The following ENOX1 variants were observed in gnomAD, a reference collection of about 807,000 sequenced individuals.
ENOX1 encodes ecto-NOX disulfide-thiol exchanger 1.
Under a neutral mutation model 82.5 loss-of-function variants are expected in ENOX1, and 42 were observed. That is an observed-to-expected ratio of 0.51 (90% CI 0.40 to 0.66). The LOEUF (loss-of-function observed/expected upper bound fraction) is 0.66, where lower values mean the gene tolerates loss of function less well. Ranked by LOEUF, ENOX1 falls within the 30% of genes least tolerant of loss-of-function variation. ENOX1 has a pLI of 0.00. For synonymous variants in ENOX1, 271 were observed against 282.2 expected (o/e 0.96, Z 0.40); for missense variants, 608 against 811.6 (o/e 0.75, Z 3.05).
chr13:43,346,679 A>G (rs975444699), intron 8 of ENOX1, among the ~76,000 whole-genome samples: 1 of 152,192 alleles, frequency 6.6e-6, no homozygotes, highest in Non-Finnish European at 1.5e-5. Context: ...CTATCACACA[A>G]CTTAACATTA....
At chr13:43,663,027 C>G (rs1308257111) in intron 2 of ENOX1, among the ~76,000 whole-genome samples, 4 of 151,972 alleles carry the variant, frequency 2.6e-5, no homozygotes, top group Non-Finnish European at 1.5e-5. Context: ...AGCAAAGTAA[C>G]CAATTCTGTG....
intron 2 of ENOX1, among the ~76,000 whole-genome samples, chr13:43,577,954 AG>A (rs2080518372): frequency 6.6e-6 from 1 of 150,850 alleles, no homozygotes. Context: ...GAGCCCAAGG[AG>A]CAAAAAGCTG....
At chr13:43,543,278 C>T (rs190848119) in intron 2 of ENOX1, among the ~76,000 whole-genome samples, 1 of 152,094 alleles carries the variant, frequency 6.6e-6, no homozygotes, top group East Asian at 1.9e-4. Context: ...CAGATAGAGC[C>T]CTGTTTTCCA....
chr13:43,513,913 A>G (rs759546170), intron 2 of ENOX1, among the ~76,000 whole-genome samples: 30 of 152,308 alleles, frequency 2.0e-4, no homozygotes, highest in Non-Finnish European at 3.8e-4. Context: ...AATTTATTGT[A>G]TAAATGTTTT....
At chr13:43,448,309 G>T (rs1030371574) in intron 3 of ENOX1, among the ~76,000 whole-genome samples, 1 of 152,200 alleles carries the variant, frequency 6.6e-6, no homozygotes, top group South Asian at 2.1e-4. Context: ...CATTACCATT[G>T]TACCTAAATA....
At chr13:43,694,839 T>A (rs1048099621) in intron 1 of ENOX1, among the ~76,000 whole-genome samples, 1 of 152,134 alleles carries the variant, frequency 6.6e-6, no homozygotes, top group Non-Finnish European at 1.5e-5. Flanking sequence ...TTTGAGACAA[T>A]CCTCATTATT....
intron 12 of ENOX1, among the ~76,000 whole-genome samples, chr13:43,283,661 G>C (rs558089972): frequency 6.6e-6 from 1 of 151,358 alleles, no homozygotes; most frequent in Non-Finnish European, 1.5e-5. Flanking sequence ...TGTTGACCAG[G>C]CTGGTCTCAA....
intron 6 of ENOX1, among the ~76,000 whole-genome samples, chr13:43,360,460 C>G (rs2050426331): frequency 6.6e-6 from 1 of 151,966 alleles, no homozygotes; most frequent in African/African-American, 2.4e-5. Context: ...AAAGGAGCGG[C>G]AAAACAGAAT....
intron 2 of ENOX1, among the ~76,000 whole-genome samples, chr13:43,638,149 G>T (rs2083482310): frequency 6.6e-6 from 1 of 152,118 alleles, no homozygotes; most frequent in East Asian, 1.9e-4. Flanking sequence ...CATCTTTCTG[G>T]ATGGCCAAGA....
At chr13:43,300,216 C>T (rs1249480516) in intron 11 of ENOX1, among the ~76,000 whole-genome samples, 2 of 151,850 alleles carry the variant, frequency 1.3e-5, no homozygotes, top group African/African-American at 4.8e-5. Context: ...TCTCAGACCA[C>T]AAAAAGAGGA....
chr13:43,340,322 G>T (rs140645928), intron 9 of ENOX1, among the ~76,000 whole-genome samples: 1 of 152,136 alleles, frequency 6.6e-6, no homozygotes, highest in Non-Finnish European at 1.5e-5. Flanking sequence ...CCCCATCTTC[G>T]AGTCATCCTG....
chr13:43,389,920 C>A (rs920113414), intron 5 of ENOX1, among the ~76,000 whole-genome samples: 13 of 152,120 alleles, frequency 8.5e-5, no homozygotes, highest in African/African-American at 3.1e-4. Flanking sequence ...CTACACTTGA[C>A]AGAGGGGGAG....
At chr13:43,412,163 CAA>C in intron 4 of ENOX1, 110 bp from the exon 5 acceptor site, 12 of 1,055,428 alleles carry the variant, frequency 1.1e-5, no homozygotes, top group African/African-American at 1.6e-5. Flanking sequence ...TCCCAAACTA[CAA>C]AAAAAAAATA....
intron 2 of ENOX1, among the ~76,000 whole-genome samples, chr13:43,647,270 T>C (rs542372944): frequency 4.5e-4 from 68 of 152,336 alleles, no homozygotes; most frequent in African/African-American, 1.6e-3. Context: ...ATGGGGATAA[T>C]AATAGTGCTT....
chr13:43,735,765 T>C (rs2089598120), intron 1 of ENOX1, among the ~76,000 whole-genome samples: 1 of 151,068 alleles, frequency 6.6e-6, no homozygotes, highest in African/African-American at 2.4e-5. Context: ...ATGTGAGAGA[T>C]AAAAGACCAG....
chr13:43,318,720 AGGCCCAG>A (rs1272239995), intron 11 of ENOX1, among the ~76,000 whole-genome samples: 1 of 152,238 alleles, frequency 6.6e-6, no homozygotes, highest in African/African-American at 2.4e-5. Flanking sequence ...ACTTGGGGAA[AGGCCCAG>A]GGCCACGTGT....
In ENOX1 at chr13:43,566,080, T is replaced by C. The variant is rs1055935608; in HGVS notation, c.-218-81928A>G. ...GAAAAGGAAATTTAAGAAATGCATG[T>C]TTTCCTGAGCCAAGTTTCAACTAAA... On this transcript the variant is annotated intron_variant, in intron 2 of 16. Coordinates refer to ENST00000690772, the MANE Select transcript of ENOX1 (RefSeq NM_001347969.2). Among the ~76,000 whole-genome samples the C allele has an allele frequency of 3.9e-5, 6 of 152,186 alleles. No individual in the cohort carries two copies. The East Asian group carries it at 1.2e-3, about 29-fold the overall frequency.
chr13:43,412,021 T>C lies in ENOX1; in HGVS notation c.103A>G (p.Thr35Ala). The part of the protein sequence containing the change: ...ADGLGSIAID[T>A]TQLNMSVTDP... Reference sequence around the variant, plus strand: ...GTCACGGACATGTTGAGCTGGGTCGTGTCTATCGCTATACTCCCCAAACCA... The same window carrying C: ...GTCACGGACATGTTGAGCTGGGTCGCGTCTATCGCTATACTCCCCAAACCA... The change falls in exon 5 of 17, where the codon ACG becomes GCG. Residue 35 changes from threonine (T) to alanine (A), a missense_variant. Transcript: ENST00000690772. The C allele has an allele frequency of 6.2e-7, 1 of 1,614,150 alleles. No individual in the cohort carries two copies. The highest frequency in any genetic ancestry group is 8.5e-7 in the Non-Finnish European group (1 of 1,180,016).
Position 43,530,119 on chromosome 13 carries a change from C to G in ENOX1, c.-218-45967G>C, listed in dbSNP as rs191907564. On this transcript the variant is annotated intron_variant, in intron 2 of 16. Coordinates refer to ENST00000690772, the MANE Select transcript of ENOX1 (RefSeq NM_001347969.2). The stretch of plus-strand genomic sequence containing the variant: ...TTACCTTGGAGAGAAGGGGAAGCAA[C>G]TAAACAAAGCATCCAATGTTCATAG... Among the ~76,000 whole-genome samples the G allele has an allele frequency of 9.9e-5, 15 of 152,184 alleles. No individual in the cohort carries two copies. In the East Asian group the frequency reaches 2.9e-3, roughly 29 times the overall value.
Sources: gnomAD v4.1 joint callset for allele counts (sites outside exome capture counted in the v4.1 genomes callset) on GRCh38, gnomAD v4.1.1 for gene constraint, MANE v1.5 for transcripts, NCBI Gene and HGNC (gene_info 2026-07-23, HGNC 2026-07-21) for gene names.